The following HHAT variants were observed in gnomAD, a reference collection of about 807,000 sequenced individuals.
HHAT encodes the protein protein-cysteine N-palmitoyltransferase HHAT.
HHAT carries 47 observed loss-of-function variants against 70.8 expected under a neutral mutation model. The observed-to-expected ratio is 0.66, with a 90% CI of 0.53 to 0.85. The LOEUF (loss-of-function observed/expected upper bound fraction) is 0.85. HHAT is among the 40% of genes least tolerant of loss of function. The probability of loss-of-function intolerance (pLI) is 0.00; values close to 1 mark genes in which losing one functional copy is unlikely to be tolerated. For synonymous variants in HHAT, 228 were observed against 247.6 expected (o/e 0.92, Z 0.74); for missense variants, 609 against 604.8 (o/e 1.01, Z -0.07).
intron 7 of HHAT, among the ~76,000 whole-genome samples, chr1:210,455,010 A>G (rs948298326): frequency 2.6e-5 from 4 of 151,980 alleles, no homozygotes; most frequent in African/African-American, 9.7e-5. Context: ...AGCCCTTTCT[A>G]CAGATCACTG....
intron 7 of HHAT, among the ~76,000 whole-genome samples, chr1:210,441,244 T>C (rs560242267): frequency 2.6e-5 from 4 of 152,326 alleles, no homozygotes; most frequent in African/African-American, 7.2e-5. Context: ...CAAATGCCCA[T>C]GTTGATTTTA....
intron 8 of HHAT, among the ~76,000 whole-genome samples, chr1:210,494,813 A>G (rs1351411416): frequency 6.6e-6 from 1 of 151,972 alleles, no homozygotes; most frequent in Non-Finnish European, 1.5e-5. Context: ...TCTGCTCCCA[A>G]AGTGCTGGGA....
intron 7 of HHAT, among the ~76,000 whole-genome samples, chr1:210,444,975 G>T (rs2148372758): frequency 6.6e-6 from 1 of 152,264 alleles, no homozygotes; most frequent in South Asian, 2.1e-4. Context: ...GAGTAGATGG[G>T]ATTACAGGTA....
At chr1:210,386,555 A>G (rs1477557087) in intron 3 of HHAT, among the ~76,000 whole-genome samples, 2 of 152,020 alleles carry the variant, frequency 1.3e-5, no homozygotes, top group African/African-American at 2.4e-5. Flanking sequence ...GTCCTTTTCC[A>G]GGCACACATT....
chr1:210,374,943 AC>A (rs1454712962), intron 3 of HHAT, among the ~76,000 whole-genome samples: 1 of 151,560 alleles, frequency 6.6e-6, no homozygotes, highest in African/African-American at 2.4e-5. Context: ...CCTCCCTGCC[AC>A]CCCCCAGCAG....
intron 9 of HHAT, among the ~76,000 whole-genome samples, chr1:210,543,896 A>G (rs2095456115): frequency 6.6e-6 from 1 of 152,194 alleles, no homozygotes; most frequent in Admixed American, 6.5e-5. Flanking sequence ...TCACCTTTCC[A>G]GCCCTATTTT....
chr1:210,576,595 A>T (rs1391729892), intron 9 of HHAT, among the ~76,000 whole-genome samples: 1 of 152,084 alleles, frequency 6.6e-6, no homozygotes, highest in Middle Eastern at 3.2e-3. Flanking sequence ...GCAGCACACC[A>T]ACATGACGTA....
intron 1 of HHAT, among the ~76,000 whole-genome samples, chr1:210,348,203 C>G (rs2086685473): frequency 1.3e-5 from 2 of 152,136 alleles, no homozygotes; most frequent in Admixed American, 6.5e-5. Flanking sequence ...AACATAGACC[C>G]TGTCTCCAAA....
chr1:210,607,363 CAG>C (rs1665688787), intron 10 of HHAT, among the ~76,000 whole-genome samples: 1 of 89,972 alleles, frequency 1.1e-5, no homozygotes, highest in South Asian at 5.2e-4. Flanking sequence ...GTGAAGGCAT[CAG>C]AGATGTTTAT....
At chr1:210,644,182 G>A (rs1673549119) in intron 11 of HHAT, among the ~76,000 whole-genome samples, 2 of 152,218 alleles carry the variant, frequency 1.3e-5, no homozygotes, top group South Asian at 4.1e-4. Context: ...ACCAGGACTA[G>A]AGGCCAAGTC....
intron 11 of HHAT, among the ~76,000 whole-genome samples, chr1:210,629,682 C>T (rs990609425): frequency 6.6e-6 from 1 of 152,198 alleles, no homozygotes; most frequent in South Asian, 2.1e-4. Context: ...TTCCAGTTTA[C>T]AGAGACGGGT....
At chr1:210,539,054 G>A (rs1442366339) in intron 9 of HHAT, among the ~76,000 whole-genome samples, 1 of 152,208 alleles carries the variant, frequency 6.6e-6, no homozygotes, top group Non-Finnish European at 1.5e-5. Context: ...TCCAGCCTGC[G>A]TGACAGAGGA....
intron 11 of HHAT, among the ~76,000 whole-genome samples, chr1:210,639,994 C>T (rs903872855): frequency 2.2e-4 from 34 of 152,178 alleles, no homozygotes; most frequent in African/African-American, 8.2e-4. Context: ...CCTTGTACTA[C>T]CCTGAGATAC....
rs762856533 is a variant in HHAT at position 210,640,855 on chromosome 1, G to A, written c.1390+17185G>A. Among the ~76,000 whole-genome samples, 6 of 152,266 alleles carry A rather than the reference G, an allele frequency of 3.9e-5. 1 individual carries two copies. The highest frequency in any genetic ancestry group is 5.9e-5 in the Non-Finnish European group (4 of 68,034). On this transcript the variant is annotated intron_variant, in intron 11 of 11. Transcript: ENST00000261458. ...TATGGTTTGCAAAGCACATTTATTT[G>A]CATTATAGTCCTATGATATAGATTG...
chr1:210,671,727 C>T lies in HHAT; in HGVS notation c.1391-2561C>T, dbSNP rs537616521. 5.3e-5 allele frequency among the ~76,000 whole-genome samples: 8 copies of T among 152,308 alleles called. No homozygotes were observed. The East Asian group carries it at 1.2e-3, about 22-fold the overall frequency. On this transcript the variant is annotated intron_variant, in intron 11 of 11. Transcript: ENST00000261458. ...CAACACCTTGATTTCAGACTTCTGG[C>T]CTCCAGAACTAAGAATACATGTCTA...
intron 1 of HHAT, among the ~76,000 whole-genome samples, chr1:210,333,560 A>G (rs1403911012): frequency 6.6e-6 from 1 of 152,242 alleles, no homozygotes. Flanking sequence ...AGTGATGCCC[A>G]TGTAAATGGT....
intron 8 of HHAT, among the ~76,000 whole-genome samples, chr1:210,511,841 G>A (rs1186108242): frequency 1.4e-5 from 2 of 143,326 alleles, no homozygotes; most frequent in Non-Finnish European, 3.0e-5. Flanking sequence ...CCAGGCTGGA[G>A]TGCAGTGGTG....
intron 8 of HHAT, among the ~76,000 whole-genome samples, chr1:210,485,245 T>G (rs1021264129): frequency 4.6e-5 from 7 of 152,148 alleles, no homozygotes; most frequent in African/African-American, 1.7e-4. Flanking sequence ...ACCTGACTTT[T>G]TAACATGCCA....
chr1:210,363,575 C>T (rs1189616094), intron 3 of HHAT, among the ~76,000 whole-genome samples: 4 of 152,170 alleles, frequency 2.6e-5, no homozygotes, highest in Non-Finnish European at 4.4e-5. Context: ...GAACCCCTGT[C>T]CCTTTTAGGC....
Sources: gnomAD v4.1 joint callset for allele counts (sites outside exome capture counted in the v4.1 genomes callset) on GRCh38, gnomAD v4.1.1 for gene constraint, MANE v1.5 for transcripts, NCBI Gene and HGNC (gene_info 2026-07-23, HGNC 2026-07-21) for gene names.